The following LRRC4C variants were observed in gnomAD, a reference collection of about 807,000 sequenced individuals.
The protein encoded by LRRC4C is leucine rich repeat containing 4C.
Under a neutral mutation model 33.6 loss-of-function variants are expected in LRRC4C, and 5 were observed. The observed-to-expected ratio is 0.15, with a 90% CI of 0.08 to 0.31. The LOEUF (loss-of-function observed/expected upper bound fraction) is 0.31, where lower values mean the gene tolerates loss of function less well. LRRC4C is among the 10% of genes least tolerant of loss of function. The pLI, the probability that LRRC4C is intolerant of heterozygous loss-of-function variation, is 1.00. For missense variants in LRRC4C, 560 were observed against 796.7 expected (o/e 0.70, Z 3.58); for synonymous variants, 329 against 302.0 (o/e 1.09, Z -0.93).
At chr11:40,403,679 T>G (rs1254105752) in intron 3 of LRRC4C, among the ~76,000 whole-genome samples, 1 of 152,144 alleles carries the variant, frequency 6.6e-6, no homozygotes, top group African/African-American at 2.4e-5. Context: ...AAGGAAACCA[T>G]ATCTGACAGT....
chr11:40,322,727 A>G (rs1945913995), intron 3 of LRRC4C, among the ~76,000 whole-genome samples: 1 of 152,116 alleles, frequency 6.6e-6, no homozygotes, highest in Non-Finnish European at 1.5e-5. Flanking sequence ...AATTTGTGAA[A>G]CAGGATAATG....
intron 3 of LRRC4C, among the ~76,000 whole-genome samples, chr11:40,475,463 T>C (rs1405092606): frequency 6.6e-6 from 1 of 151,912 alleles, no homozygotes; most frequent in African/African-American, 2.4e-5. Context: ...GAGTGGGGGC[T>C]AGGGGAGGGA....
At chr11:41,430,553 T>C (rs1487503544) in intron 1 of LRRC4C, among the ~76,000 whole-genome samples, 3 of 152,212 alleles carry the variant, frequency 2.0e-5, no homozygotes, top group East Asian at 3.9e-4. Flanking sequence ...ACCAAATGCA[T>C]AGGAAATCAT....
chr11:41,078,293 T>C (rs1372072213), intron 1 of LRRC4C, among the ~76,000 whole-genome samples: 1 of 152,208 alleles, frequency 6.6e-6, no homozygotes, highest in Non-Finnish European at 1.5e-5. Context: ...CTTCTGCCCA[T>C]TACCCAGTTC....
intron 2 of LRRC4C, among the ~76,000 whole-genome samples, chr11:40,683,874 A>T: frequency 6.6e-6 from 1 of 152,188 alleles, no homozygotes; most frequent in East Asian, 1.9e-4. Context: ...AACTCTGCTA[A>T]AACGCCAGGC....
intron 1 of LRRC4C, among the ~76,000 whole-genome samples, chr11:40,974,047 A>T (rs1851912128): frequency 6.6e-6 from 1 of 152,146 alleles, no homozygotes; most frequent in African/African-American, 2.4e-5. Flanking sequence ...TTTATTATAC[A>T]ACTGAGCTGC....
chr11:40,254,032 A>C (rs1867003283), intron 4 of LRRC4C, among the ~76,000 whole-genome samples: 1 of 152,240 alleles, frequency 6.6e-6, no homozygotes, highest in African/African-American at 2.4e-5. Context: ...TTATATTTAA[A>C]GTAGATAGTG....
At chr11:41,066,938 A>T (rs1262410953) in intron 1 of LRRC4C, among the ~76,000 whole-genome samples, 1 of 152,142 alleles carries the variant, frequency 6.6e-6, no homozygotes, top group African/African-American at 2.4e-5. Context: ...GAAAGAAAAA[A>T]CTGATACCAG....
At chr11:40,719,613 T>G (rs1946907915) in intron 2 of LRRC4C, among the ~76,000 whole-genome samples, 1 of 152,228 alleles carries the variant, frequency 6.6e-6, no homozygotes, top group Non-Finnish European at 1.5e-5. Context: ...CGTGACTGGC[T>G]GCAGTAATTG....
intron 1 of LRRC4C, among the ~76,000 whole-genome samples, chr11:41,406,475 T>A (rs532575743): frequency 6.6e-6 from 1 of 152,214 alleles, no homozygotes; most frequent in African/African-American, 2.4e-5. Context: ...CTAAGTACTA[T>A]GACAAGTGTT....
chr11:40,992,099 A>G (rs901731607), intron 1 of LRRC4C, among the ~76,000 whole-genome samples: 2 of 152,194 alleles, frequency 1.3e-5, no homozygotes, highest in Non-Finnish European at 2.9e-5. Flanking sequence ...CATATCCACA[A>G]TTAACCGAAA....
rs143133144 is a variant in LRRC4C, at chr11:40,640,342, C to T, written c.-270+7800G>A. 5.4e-3 allele frequency among the ~76,000 whole-genome samples: 819 copies of T among 152,090 alleles called. 7 individuals carry two copies. Among genetic ancestry groups the T allele is most frequent in the African/African-American group, 0.016 (661 of 41,498 alleles). ...ATTTCTATCCTATTTTGTCTTACTG[C>T]GCTGACGGAAGAAATATTCTGAAAT... is the stretch of plus-strand genomic sequence containing the variant. On this transcript the variant is annotated intron_variant, in intron 3 of 6. Coordinates refer to ENST00000528697, the MANE Select transcript of LRRC4C (RefSeq NM_001258419.2).
chr11:41,357,767 G>C (rs1404549763), intron 1 of LRRC4C, among the ~76,000 whole-genome samples: 1 of 151,862 alleles, frequency 6.6e-6, no homozygotes, highest in Middle Eastern at 3.2e-3. Context: ...TTCCAATTTG[G>C]GATAAGACTA....
intron 1 of LRRC4C, among the ~76,000 whole-genome samples, chr11:41,175,171 A>T (rs1322168275): frequency 6.6e-6 from 1 of 151,992 alleles, no homozygotes; most frequent in Non-Finnish European, 1.5e-5. Flanking sequence ...TGATTCCTGC[A>T]ACTTCTCTCA....
At chr11:41,091,193 T>C (rs1940392737) in intron 1 of LRRC4C, among the ~76,000 whole-genome samples, 1 of 151,872 alleles carries the variant, frequency 6.6e-6, no homozygotes. Flanking sequence ...TTTCATTATA[T>C]TATTACATAA....
chr11:41,445,575 A>G (rs1955796184), intron 1 of LRRC4C, among the ~76,000 whole-genome samples: 1 of 152,092 alleles, frequency 6.6e-6, no homozygotes, highest in Non-Finnish European at 1.5e-5. Context: ...TGGTGCAATG[A>G]AAAGTTCCCA....
chr11:40,412,368 G>A (rs1950184602), intron 3 of LRRC4C, among the ~76,000 whole-genome samples: 1 of 152,014 alleles, frequency 6.6e-6, no homozygotes, highest in Admixed American at 6.6e-5. Context: ...GTCTCCCTTA[G>A]TGAGTTTGCT....
intron 4 of LRRC4C, among the ~76,000 whole-genome samples, chr11:40,254,607 C>T (rs1440211035): frequency 6.6e-6 from 1 of 152,168 alleles, no homozygotes; most frequent in African/African-American, 2.4e-5. Flanking sequence ...AATTGTATAG[C>T]ATATGTGTAT....
At chr11:41,237,797 T>C (rs1031145490) in intron 1 of LRRC4C, among the ~76,000 whole-genome samples, 4 of 152,176 alleles carry the variant, frequency 2.6e-5, no homozygotes, top group African/African-American at 9.6e-5. Context: ...TTTTTTTCAC[T>C]CCTATTTATC....
Sources: gnomAD v4.1 joint callset for allele counts (sites outside exome capture counted in the v4.1 genomes callset) on GRCh38, gnomAD v4.1.1 for gene constraint, MANE v1.5 for transcripts, NCBI Gene and HGNC (gene_info 2026-07-23, HGNC 2026-07-21) for gene names.